Variants in FOXP1 observed in about 807,000 individuals in gnomAD.
The protein encoded by FOXP1 is forkhead box P1.
FOXP1 carries 15 observed loss-of-function variants against 98.2 expected under a neutral mutation model. That is an observed-to-expected ratio of 0.15 (90% CI 0.10 to 0.24). FOXP1 has a LOEUF of 0.24. Ranked by LOEUF, FOXP1 falls within the 10% of genes least tolerant of loss-of-function variation. FOXP1 has a pLI of 1.00. For missense variants in FOXP1, 633 were observed against 848.5 expected (o/e 0.75, Z 3.15); for synonymous variants, 371 against 314.5 (o/e 1.18, Z -1.90).
chr3:71,404,116 T>TTTC (rs1560436018), intron 3 of FOXP1, among the ~76,000 whole-genome samples: 1 of 33,822 alleles, frequency 3.0e-5, no homozygotes, highest in African/African-American at 9.6e-5. Context: ...TTTCTTTTCT[T>TTTC]TTTCTTTTTT....
At chr3:71,224,255 T>A (rs1010286528) in intron 5 of FOXP1, among the ~76,000 whole-genome samples, 5 of 152,082 alleles carry the variant, frequency 3.3e-5, no homozygotes, top group African/African-American at 1.2e-4. Context: ...CAGTTACGTC[T>A]AGGATGCAGA....
At chr3:71,529,870 C>G (rs977454812) in intron 2 of FOXP1, among the ~76,000 whole-genome samples, 1 of 152,128 alleles carries the variant, frequency 6.6e-6, no homozygotes, top group African/African-American at 2.4e-5. Flanking sequence ...AACCAGTAAA[C>G]CTAAGTGTTT....
At chr3:71,469,095 C>T (rs2089069507) in intron 3 of FOXP1, among the ~76,000 whole-genome samples, 1 of 152,162 alleles carries the variant, frequency 6.6e-6, no homozygotes, top group Non-Finnish European at 1.5e-5. Context: ...AAATGGCACA[C>T]ATTTAGACTG....
chr3:70,976,853 C>T, intron 17 of FOXP1, 88 bp downstream of exon 17: 2 of 935,448 alleles, frequency 2.1e-6, no homozygotes, highest in South Asian at 1.3e-5. Flanking sequence ...ATAAATGTAG[C>T]TTCCTTATAG....
intron 2 of FOXP1, among the ~76,000 whole-genome samples, chr3:71,539,236 C>G (rs1398761024): frequency 6.7e-6 from 1 of 149,580 alleles, no homozygotes; most frequent in African/African-American, 2.5e-5. Flanking sequence ...CTCAGCCTCC[C>G]TAGTAGCTGG....
chr3:71,149,253 T>C (rs1368998903), intron 6 of FOXP1, among the ~76,000 whole-genome samples: 2 of 152,212 alleles, frequency 1.3e-5, no homozygotes, highest in African/African-American at 4.8e-5. Flanking sequence ...AAGTTATAAG[T>C]AATGAACAGT....
At chr3:70,976,486 G>C (rs990431998) in intron 17 of FOXP1, among the ~76,000 whole-genome samples, 1 of 152,134 alleles carries the variant, frequency 6.6e-6, no homozygotes, top group African/African-American at 2.4e-5. Flanking sequence ...CTACTAATTG[G>C]GTTAATGAGC....
At chr3:71,389,479 G>A (rs562784103) in intron 3 of FOXP1, among the ~76,000 whole-genome samples, 2 of 152,168 alleles carry the variant, frequency 1.3e-5, no homozygotes, top group South Asian at 2.1e-4. Context: ...ACACAACGAC[G>A]TGTACAAAAC....
intron 5 of FOXP1, among the ~76,000 whole-genome samples, chr3:71,202,576 A>G (rs1337944137): frequency 1.3e-5 from 2 of 152,194 alleles, no homozygotes; most frequent in African/African-American, 4.8e-5. Context: ...TGTTATCCCC[A>G]TTTCACAGAT....
chr3:71,136,681 G>GT (rs770678942), intron 6 of FOXP1, among the ~76,000 whole-genome samples: 5 of 152,176 alleles, frequency 3.3e-5, no homozygotes, highest in Non-Finnish European at 7.3e-5. Flanking sequence ...ATCAACAACT[G>GT]TTTTTTGCTG....
At chr3:71,281,720 T>C (rs1342181569) in intron 5 of FOXP1, among the ~76,000 whole-genome samples, 1 of 152,194 alleles carries the variant, frequency 6.6e-6, no homozygotes, top group East Asian at 1.9e-4. Context: ...GTTTAAGTTC[T>C]GAAAAGCTCG....
chr3:71,320,421 T>C (rs2075321710), intron 4 of FOXP1, among the ~76,000 whole-genome samples: 1 of 151,928 alleles, frequency 6.6e-6, no homozygotes, highest in African/African-American at 2.4e-5. Context: ...GTCTTGTCTC[T>C]AAGCCGCTGC....
chr3:71,011,536 G>A (rs1477376822), intron 12 of FOXP1, among the ~76,000 whole-genome samples: 1 of 152,156 alleles, frequency 6.6e-6, no homozygotes, highest in Non-Finnish European at 1.5e-5. Flanking sequence ...TTAAATATCA[G>A]GATCTAGCCA....
chr3:71,383,405 T>A (rs1560404070), intron 3 of FOXP1, among the ~76,000 whole-genome samples: 11 of 152,272 alleles, frequency 7.2e-5, no homozygotes. Flanking sequence ...TTTTGGGCCC[T>A]AGGATTTAGG....
intron 6 of FOXP1, among the ~76,000 whole-genome samples, chr3:71,153,861 G>A (rs1168498000): frequency 6.6e-6 from 1 of 152,064 alleles, no homozygotes; most frequent in Admixed American, 6.5e-5. Context: ...CCTTTCTAAA[G>A]GTGTGTTTTC....
At chr3:71,240,757 G>A (rs973289679) in intron 5 of FOXP1, among the ~76,000 whole-genome samples, 2 of 151,290 alleles carry the variant, frequency 1.3e-5, no homozygotes, top group African/African-American at 2.4e-5. Flanking sequence ...ATGTTAGCCA[G>A]GATGGTCTCG....
At chr3:71,555,371 T>C (rs115566565) in intron 2 of FOXP1, among the ~76,000 whole-genome samples, 2,660 of 152,254 alleles carry the variant, frequency 0.017, 107 homozygotes, top group African/African-American at 0.061. Flanking sequence ...AGAAAAGGGA[T>C]TGCTGGTCAT....
chr3:71,244,959 GA>G (rs11304053), intron 5 of FOXP1: 19,971 of 141,544 alleles, frequency 0.14, 1,724 homozygotes, highest in African/African-American at 0.25. Flanking sequence ...AGTGAGGGGG[GA>G]AAAAAAAAAA....
chr3:71,438,358 T>C (rs72961204), intron 3 of FOXP1, among the ~76,000 whole-genome samples: 2,724 of 152,292 alleles, frequency 0.018, 79 homozygotes, highest in African/African-American at 0.063. Flanking sequence ...CTTTCAAAAA[T>C]GTGAAAACAG....
Sources: gnomAD v4.1 joint callset for allele counts (sites outside exome capture counted in the v4.1 genomes callset) on GRCh38, gnomAD v4.1.1 for gene constraint, MANE v1.5 for transcripts, NCBI Gene and HGNC (gene_info 2026-07-23, HGNC 2026-07-21) for gene names.